Variants in ST6GAL2 observed in about 807,000 individuals in gnomAD.
ST6GAL2 encodes the protein beta-galactoside alpha-2,6-sialyltransferase 2.
Under a neutral mutation model 37.5 loss-of-function variants are expected in ST6GAL2, and 24 were observed. That is an observed-to-expected ratio of 0.64 (90% CI 0.46 to 0.90). The LOEUF is 0.90. ST6GAL2 is among the 40% of genes least tolerant of loss of function. The pLI, the probability that ST6GAL2 is intolerant of heterozygous loss-of-function variation, is 0.00. For synonymous variants in ST6GAL2, 306 were observed against 295.1 expected (o/e 1.04, Z -0.38); for missense variants, 715 against 712.7 (o/e 1.00, Z -0.04).
intron 1 of ST6GAL2, among the ~76,000 whole-genome samples, chr2:106,866,301 C>T (rs778296027): frequency 1.1e-4 from 16 of 152,318 alleles, no homozygotes; most frequent in South Asian, 8.3e-4. Flanking sequence ...CTGCCACTGG[C>T]CTGAAGTTCT....
At chr2:106,886,894 T>G (rs915046916), upstream of ST6GAL2, 1 of 151,942 alleles carries the variant, frequency 6.6e-6, no homozygotes, top group African/African-American at 2.4e-5. Flanking sequence ...CGTGGGGCGG[T>G]GCGGGGCAGC....
At chr2:106,873,476 C>A (rs1413259265) in intron 1 of ST6GAL2, among the ~76,000 whole-genome samples, 1 of 152,186 alleles carries the variant, frequency 6.6e-6, no homozygotes, top group African/African-American at 2.4e-5. Context: ...TATTATCACA[C>A]CAGGTGCTGA....
intron 5 of ST6GAL2, among the ~76,000 whole-genome samples, chr2:106,815,102 G>A (rs1319207108): frequency 2.0e-5 from 3 of 152,152 alleles, no homozygotes; most frequent in Non-Finnish European, 4.4e-5. Context: ...TCTAGAGAAG[G>A]AGATAGTACA....
chr2:106,813,229 A>G, intron 5 of ST6GAL2: 1 of 1,340,954 alleles, frequency 7.5e-7, no homozygotes, highest in Non-Finnish European at 9.6e-7. Flanking sequence ...ATGAGCCTAT[A>G]TGAGGGATTC....
chr2:106,856,298 G>A (rs978400418), intron 1 of ST6GAL2, among the ~76,000 whole-genome samples: 1 of 152,072 alleles, frequency 6.6e-6, no homozygotes, highest in Non-Finnish European at 1.5e-5. Context: ...ACAACCCAAG[G>A]GTAACAACCC....
At chr2:106,875,132 C>T (rs1678445555) in intron 1 of ST6GAL2, among the ~76,000 whole-genome samples, 1 of 151,612 alleles carries the variant, frequency 6.6e-6, no homozygotes, top group Non-Finnish European at 1.5e-5. Context: ...TATTCTCTTC[C>T]GTTCTACTAA....
chr2:106,808,245 G>A (rs1189257736), intron 5 of ST6GAL2, among the ~76,000 whole-genome samples: 1 of 152,140 alleles, frequency 6.6e-6, no homozygotes, highest in Non-Finnish European at 1.5e-5. Flanking sequence ...GCCCAAAGGT[G>A]GAGAAGTGTG....
At chr2:106,869,801 C>T (rs918220667) in intron 1 of ST6GAL2, among the ~76,000 whole-genome samples, 30 of 152,314 alleles carry the variant, frequency 2.0e-4, no homozygotes, top group African/African-American at 6.3e-4. Context: ...TGTTCTCCCT[C>T]GCACCTGCCC....
intron 1 of ST6GAL2, among the ~76,000 whole-genome samples, chr2:106,884,618 T>C (rs1678884432): frequency 6.6e-6 from 1 of 152,100 alleles, no homozygotes; most frequent in African/African-American, 2.4e-5. Context: ...ATGCTACCAT[T>C]TGTATCTATT....
chr2:106,807,725 C>T (rs977515629), intron 5 of ST6GAL2, among the ~76,000 whole-genome samples: 16 of 150,698 alleles, frequency 1.1e-4, no homozygotes, highest in East Asian at 7.9e-4. Context: ...CCCCGATTCA[C>T]GCCATTCTCC....
chr2:106,882,884 T>C (rs4676310), intron 1 of ST6GAL2, among the ~76,000 whole-genome samples: 3,868 of 152,348 alleles, frequency 0.025, 133 homozygotes, highest in East Asian at 0.11. Flanking sequence ...TCCGTCCAGA[T>C]AGAAGTCCTC....
At chr2:106,884,936 C>CATATATAT (rs1491509971) in intron 1 of ST6GAL2, among the ~76,000 whole-genome samples, 1 of 95,986 alleles carries the variant, frequency 1.0e-5, no homozygotes, top group South Asian at 3.0e-4. Flanking sequence ...TATATATATA[C>CATATATAT]ATACACACAC....
At chr2:106,852,800 C>T (rs12618704) in intron 1 of ST6GAL2, among the ~76,000 whole-genome samples, 11,782 of 152,112 alleles carry the variant, frequency 0.077, 1,068 homozygotes, top group East Asian at 0.46. Context: ...GCAGTCGTGG[C>T]AGGAGTCAGG....
At chr2:106,830,388 C>T in intron 4 of ST6GAL2, 148 bp from the exon 5 acceptor site, 1 of 653,704 alleles carries the variant, frequency 1.5e-6, no homozygotes, top group Non-Finnish European at 2.6e-6. Context: ...CAGACACTTC[C>T]TCATTGGGAT....
At position 106,843,271 on chromosome 2, in the gene ST6GAL2, ACC is replaced by A; in HGVS notation, c.705_706del (p.Val236AlafsTer82). 6.2e-7 allele frequency: 1 copy of A among 1,607,356 alleles called. No homozygotes were observed. Among genetic ancestry groups the A allele is most frequent in the Non-Finnish European group, 8.5e-7 (1 of 1,177,014 alleles). ...GGCCTCCCGCTTCCCGCGGAAGCGCACCCCGTGCTTGTTGGCGGTCAGGTAAT... is the reference window on the plus strand; with the variant it reads ...GGCCTCCCGCTTCCCGCGGAAGCGCACCGTGCTTGTTGGCGGTCAGGTAAT... On this transcript the variant is annotated frameshift_variant, in exon 2 of 6. Transcript: ENST00000409382. LOFTEE classifies it high-confidence loss of function.
In ST6GAL2 at chr2:106,806,589, A is replaced by G. The variant is rs767845122; in HGVS notation, c.*89T>C. The stretch of plus-strand genomic sequence containing the variant: ...TTACTGTTTAAAGACTCAAAACTAC[A>G]CTGTCTAAAATCTATCTTCAAGTAT... On this transcript the variant is annotated 3_prime_UTR_variant, in exon 6 of 6. Transcript: ENST00000409382. The G allele has an allele frequency of 8.4e-6, 12 of 1,434,760 alleles. No homozygotes were observed. Among genetic ancestry groups the G allele is most frequent in the Non-Finnish European group, 1.1e-5 (12 of 1,049,962 alleles). The allele number at this position is 1,434,760 out of a possible 1,614,324, so 88.9% of individuals were successfully genotyped here. A position where few individuals can be genotyped will look rare whatever the true frequency, so the allele number is the denominator to read the frequency against.
intron 5 of ST6GAL2, among the ~76,000 whole-genome samples, chr2:106,817,222 C>G (rs939447379): frequency 6.6e-6 from 1 of 152,172 alleles, no homozygotes; most frequent in Non-Finnish European, 1.5e-5. Flanking sequence ...TGTGACCTGG[C>G]GAGACACAAG....
intron 3 of ST6GAL2, among the ~76,000 whole-genome samples, 194 bp downstream of exon 3, chr2:106,833,855 T>C (rs1183717137): frequency 6.6e-6 from 1 of 152,220 alleles, no homozygotes; most frequent in Non-Finnish European, 1.5e-5. Context: ...ATTCATGTCA[T>C]GTCTAAATTC....
At position 106,802,346 on chromosome 2, in the gene ST6GAL2, A is replaced by T. The variant is rs1291444189; in HGVS notation, c.*4332T>A. The T allele has an allele frequency of 1.3e-5, 2 of 151,450 alleles. No homozygotes were observed. Among genetic ancestry groups the T allele is most frequent in the Non-Finnish European group, 2.9e-5 (2 of 67,840 alleles). The allele number at this position is 151,450 out of a possible 1,614,324, so 9.4% of individuals were successfully genotyped here. On this transcript the variant is annotated 3_prime_UTR_variant, in exon 6 of 6. Coordinates refer to ENST00000409382, the MANE Select transcript of ST6GAL2 (RefSeq NM_001142351.2). ...AGATATGTATATACACAATTATATA[A>T]CTATATCTACATGTACACTTTTCAT...
Sources: gnomAD v4.1 joint callset for allele counts (sites outside exome capture counted in the v4.1 genomes callset) on GRCh38, gnomAD v4.1.1 for gene constraint, MANE v1.5 for transcripts, NCBI Gene and HGNC (gene_info 2026-07-23, HGNC 2026-07-21) for gene names.